Variants in TRPV5 observed in about 807,000 individuals in gnomAD.
The protein encoded by TRPV5 is transient receptor potential cation channel subfamily V member 5.
TRPV5 carries 66 observed loss-of-function variants against 74.1 expected under a neutral mutation model. That is an observed-to-expected ratio of 0.89 (90% CI 0.73 to 1.09). The LOEUF (loss-of-function observed/expected upper bound fraction) is 1.09, where lower values mean the gene tolerates loss of function less well. Among genes scored for constraint, TRPV5 ranks in the 50% least tolerant of loss-of-function variants. The pLI, the probability that TRPV5 is intolerant of heterozygous loss-of-function variation, is 0.00. For synonymous variants in TRPV5, 399 were observed against 360.7 expected, an observed-to-expected ratio of 1.11 and a Z score of -1.20; for missense variants, 936 against 930.4, an observed-to-expected ratio of 1.01 and a Z score of -0.08.
At chr7:142,929,603 T>A (rs201992016) in intron 3 of TRPV5, 38 bp from the exon 4 acceptor site, 1 of 1,603,116 alleles carries the variant, frequency 6.2e-7, no homozygotes, top group East Asian at 2.2e-5. Context: ...TCTCCCTCTG[T>A]CCCCAGTTCT....
intron 1 of TRPV5, 74 bp downstream of exon 1, chr7:142,933,258 G>T: frequency 2.5e-6 from 4 of 1,574,974 alleles, no homozygotes; most frequent in Non-Finnish European, 3.4e-6. Context: ...GCTGTATTCG[G>T]AAAGCAGGCC....
At chr7:142,924,311 TACAC>T (rs1362580658) in intron 8 of TRPV5, among the ~76,000 whole-genome samples, 364 of 30,966 alleles carry the variant, frequency 0.012, 38 homozygotes, top group African/African-American at 0.018. Flanking sequence ...CATATATATA[TACAC>T]ACATATACAT....
rs144345058 is a variant in TRPV5, at chr7:142,924,232, A to G, written c.1122+1297T>C. Among the ~76,000 whole-genome samples, 1,132 of 136,570 alleles carry G rather than the reference A, an allele frequency of 8.3e-3. 21 individuals carry two copies. The highest frequency in any genetic ancestry group is 0.03 in the African/African-American group (1,057 of 34,878). The allele number at this position is 136,570 out of a possible 152,430, so 89.6% of individuals were successfully genotyped here. Reference sequence around the variant, plus strand: ...CATGACACACTGTATATATATACATATATATATATATACATATACATGTAT... The same window carrying G: ...CATGACACACTGTATATATATACATGTATATATATATACATATACATGTAT... On this transcript the variant is annotated intron_variant, in intron 8 of 14. Coordinates refer to ENST00000265310, the MANE Select transcript of TRPV5 (RefSeq NM_019841.7).
Position 142,930,058 on chromosome 7 carries a change from C to T in TRPV5, c.349G>A (p.Gly117Ser). The part of the protein sequence containing the change: ...FEPTTCEAFA[G>S]QTALHIAVVN... ...TTGAATTACCATGTAGGCTCCTTAC[C>T]TGCAAAAGCCTCACATGTGGTGGGC... Residue 117 changes from glycine (G) to serine (S), a missense_variant and splice_region_variant, in exon 3 of 15, where the codon GGT becomes AGT. Coordinates refer to ENST00000265310, the MANE Select transcript of TRPV5 (RefSeq NM_019841.7). 1 of 1,614,006 alleles carries T rather than the reference C, an allele frequency of 6.2e-7. No individual in the cohort carries two copies. Among genetic ancestry groups the T allele is most frequent in the South Asian group, 1.1e-5 (1 of 91,058 alleles).
At chr7:142,931,385 C>G (rs4252393) in intron 1 of TRPV5, among the ~76,000 whole-genome samples, 21,081 of 152,094 alleles carry the variant, frequency 0.14, 2,950 homozygotes, top group African/African-American at 0.36. Context: ...GTGCCTCTTT[C>G]TTCTGCATTA....
At chr7:142,911,610 G>A (rs1586213437) in intron 13 of TRPV5, among the ~76,000 whole-genome samples, 1 of 152,104 alleles carries the variant, frequency 6.6e-6, no homozygotes, top group African/African-American at 2.4e-5. Context: ...ACAGCTTTTT[G>A]TGAAGTCATT....
At position 142,908,805 on chromosome 7, in the gene TRPV5, A is replaced by C. The variant is rs1386568576; in HGVS notation, c.1899T>G (p.Val633=). 3 of 1,608,622 alleles carry C rather than the reference A, an allele frequency of 1.9e-6. No individual in the cohort carries two copies. The South Asian group carries it at 3.3e-5, about 18-fold the overall frequency. The stretch of plus-strand genomic sequence containing the variant: ...GAGGATTCTGATCATTGTGGTTCTC[A>C]ACCCTGATAAGGGGAAAGGGGAAAG... ...FGLGDRWFLR[V]ENHNDQNPLR... is the part of the protein sequence containing the mutation. Residue 633 remains valine (V), a synonymous_variant, in exon 15 of 15, where the codon GTT becomes GTG. Coordinates refer to ENST00000265310, the MANE Select transcript of TRPV5 (RefSeq NM_019841.7).
In TRPV5 at chr7:142,912,624, A is replaced by G. The variant is rs759755824; in HGVS notation, c.1646T>C (p.Val549Ala). 6.2e-7 allele frequency: 1 copy of G among 1,614,256 alleles called. No individual in the cohort carries two copies. Among genetic ancestry groups the G allele is most frequent in the Admixed American group, 1.7e-5 (1 of 60,022 alleles). The change falls in exon 13 of 15, where the codon GTG (valine) becomes GCG (alanine). Residue 549 changes from valine to alanine, a missense_variant. Transcript: ENST00000265310. Reference protein sequence around the residue: ...TVIDAPANYDVDLPFMFSIVN... With the variant: ...TVIDAPANYDADLPFMFSIVN... ...AATGCTGAACATGAAGGGCAAGTCC[A>G]CGTCGTAGTTGGCAGGTGCATCAAT...
chr7:142,921,688 C>T (rs930495910), intron 8 of TRPV5, among the ~76,000 whole-genome samples: 1 of 152,128 alleles, frequency 6.6e-6, no homozygotes, highest in African/African-American at 2.4e-5. Flanking sequence ...AGTAATTTTT[C>T]TAAAACAAAA....
chr7:142,922,398 C>A (rs1795900507), intron 8 of TRPV5, among the ~76,000 whole-genome samples: 1 of 152,136 alleles, frequency 6.6e-6, no homozygotes, highest in South Asian at 2.1e-4. Flanking sequence ...TCTAAATGAC[C>A]AGAGTGGTGG....
chr7:142,908,414 A>G lies in TRPV5; in HGVS notation c.*100T>C. On this transcript the variant is annotated 3_prime_UTR_variant, in exon 15 of 15. Transcript: ENST00000265310. ...GTTCTGTCTCACCCTCCCATGATTAACAGGCACAGAAGTTAGACACTTGCA... is the reference window on the plus strand; with the variant it reads ...GTTCTGTCTCACCCTCCCATGATTAGCAGGCACAGAAGTTAGACACTTGCA... 7.5e-7 allele frequency: 1 copy of G among 1,336,752 alleles called. No homozygotes were observed. Among genetic ancestry groups the G allele is most frequent in the East Asian group, 2.3e-5 (1 of 42,590 alleles). 82.8% of individuals were successfully genotyped at this position (1,336,752 alleles called of 1,614,324 possible).
intron 8 of TRPV5, among the ~76,000 whole-genome samples, chr7:142,918,048 A>G (rs1002052578): frequency 6.6e-6 from 1 of 152,210 alleles, no homozygotes; most frequent in Non-Finnish European, 1.5e-5. Flanking sequence ...CTCTTTGCAA[A>G]GGTAAGGAAG....
Position 142,929,417 on chromosome 7 carries a change from C to G in TRPV5, c.487+11G>C. 1 of 1,613,542 alleles carries G rather than the reference C, an allele frequency of 6.2e-7. No homozygotes were observed. Among genetic ancestry groups the G allele is most frequent in the Non-Finnish European group, 8.5e-7 (1 of 1,179,562 alleles). On this transcript the variant is annotated intron_variant, in intron 4 of 14. Coordinates refer to ENST00000265310, the MANE Select transcript of TRPV5 (RefSeq NM_019841.7). ...CAGCCAACCATCCTTCAAGCCCAACCCTGCTCTCACCAAAGTAGATGAGGT... is the reference window on the plus strand; with the variant it reads ...CAGCCAACCATCCTTCAAGCCCAACGCTGCTCTCACCAAAGTAGATGAGGT...
chr7:142,928,909 C>G, intron 5 of TRPV5, 43 bp from the exon 6 acceptor site: 1 of 1,611,928 alleles, frequency 6.2e-7, no homozygotes, highest in Non-Finnish European at 8.5e-7. Flanking sequence ...GGCCTAAAGT[C>G]CCTGATGTCC....
rs755049082 is a variant in TRPV5 at position 142,912,561 on chromosome 7, A to G, written c.1709T>C (p.Met570Thr). 6.2e-7 allele frequency: 1 copy of G among 1,614,162 alleles called. No homozygotes were observed. Among genetic ancestry groups the G allele is most frequent in the South Asian group, 1.1e-5 (1 of 91,080 alleles). Residue 570 changes from methionine (M) to threonine (T), a missense_variant, in exon 13 of 15, where the codon ATG (methionine) becomes ACG (threonine). By Grantham distance (81) the Met-to-Thr change is moderately conservative (BLOSUM62 -1). Transcript: ENST00000265310. ...CATCATGGCGATGAACAAGTTGAGC[A>G]TGAGCAGTGTGGCAATGATGGTGAA... The part of the protein sequence containing the change: ...FAFTIIATLL[M>T]LNLFIAMMGD...
At chr7:142,925,826 G>A (rs1459095777) in intron 7 of TRPV5, 85 bp from the exon 8 acceptor site, 11 of 1,163,904 alleles carry the variant, frequency 9.5e-6, no homozygotes, top group Non-Finnish European at 1.4e-5. Context: ...AGGCAGGGCA[G>A]CAACCATCAC....
chr7:142,908,486 G>T lies in TRPV5; in HGVS notation c.*28C>A. 6.2e-7 allele frequency: 1 copy of T among 1,607,054 alleles called. No individual in the cohort carries two copies. The highest frequency in any genetic ancestry group is 8.5e-7 in the Non-Finnish European group (1 of 1,174,082). ...GTCCCCGCCCCCAGGCCAACCGGGA[G>T]TAAGGTCAAGAGTGATAGCGATGTT... On this transcript the variant is annotated 3_prime_UTR_variant, in exon 15 of 15. Coordinates refer to ENST00000265310, the MANE Select transcript of TRPV5 (RefSeq NM_019841.7).
intron 8 of TRPV5, among the ~76,000 whole-genome samples, chr7:142,920,005 A>T (rs778328068): frequency 1.3e-5 from 2 of 152,216 alleles, no homozygotes; most frequent in Non-Finnish European, 2.9e-5. Context: ...CTAACTGGGC[A>T]TGAGTTCCTA....
chr7:142,915,496 T>G lies in TRPV5; in HGVS notation c.1195A>C (p.Ile399Leu), dbSNP rs1009268592. The G allele has an allele frequency of 7.4e-6, 12 of 1,614,044 alleles. No homozygotes were observed. Among genetic ancestry groups the G allele is most frequent in the African/African-American group, 2.7e-5 (2 of 74,918 alleles). Residue 399 changes from isoleucine (I) to leucine (L), a missense_variant, in exon 9 of 15, where the codon ATC (isoleucine) becomes CTC (leucine). Physicochemically the swap from Ile to Leu is conservative, Grantham distance 5. Transcript: ENST00000265310. The part of the protein sequence containing the change: ...ELVSIVGAVI[I>L]LLLEIPDIFR... Reference sequence around the variant, plus strand: ...CTGCCCCTCACCTCTAGGAGCAGGATGATCACAGCCCCAACGATGCTCACC... The same window carrying G: ...CTGCCCCTCACCTCTAGGAGCAGGAGGATCACAGCCCCAACGATGCTCACC...
Sources: allele counts gnomAD v4.1 joint callset (sites outside exome capture counted in the v4.1 genomes callset), GRCh38; gene constraint gnomAD v4.1.1; transcripts MANE v1.5; gene names NCBI Gene and HGNC (gene_info 2026-07-23, HGNC 2026-07-21).